The following FAF1 variants were observed in gnomAD, a reference collection of about 807,000 sequenced individuals.
FAF1 encodes the protein FAS-associated factor 1.
In FAF1, 25 loss-of-function variants were observed where a neutral mutation model predicts 92.5. The ratio of observed to expected loss-of-function variants is 0.27; its 90% CI spans 0.20 to 0.38. The LOEUF (loss-of-function observed/expected upper bound fraction) is 0.38, where lower values mean the gene tolerates loss of function less well. FAF1 is among the 10% of genes least tolerant of loss of function. The probability of loss-of-function intolerance (pLI) is 1.00; values close to 1 mark genes in which losing one functional copy is unlikely to be tolerated. For missense variants in FAF1, 636 were observed against 793.3 expected (o/e 0.80, Z 2.38); for synonymous variants, 234 against 273.2 (o/e 0.86, Z 1.42).
chr1:50,570,033 T>C (rs1650358240), intron 12 of FAF1, among the ~76,000 whole-genome samples: 1 of 152,144 alleles, frequency 6.6e-6, no homozygotes, highest in Non-Finnish European at 1.5e-5. Context: ...TTCAAAGCAT[T>C]GGTCCCTGCA....
intron 7 of FAF1, among the ~76,000 whole-genome samples, chr1:50,658,727 T>C (rs1655240536): frequency 6.6e-6 from 1 of 152,260 alleles, no homozygotes; most frequent in South Asian, 2.1e-4. Context: ...AGACAGAACT[T>C]GGCTGAGAGA....
chr1:50,548,058 T>C (rs1213573374), intron 13 of FAF1, among the ~76,000 whole-genome samples: 1 of 152,212 alleles, frequency 6.6e-6, no homozygotes. Context: ...AAGAAAAGAT[T>C]CACTTTCCAG....
intron 4 of FAF1, among the ~76,000 whole-genome samples, chr1:50,773,748 G>A (rs1660854403): frequency 6.6e-6 from 1 of 152,124 alleles, no homozygotes; most frequent in Non-Finnish European, 1.5e-5. Flanking sequence ...TAGACAGAAG[G>A]AAAATATTCT....
chr1:50,625,521 GC>G (rs1403279222), intron 8 of FAF1, among the ~76,000 whole-genome samples: 2 of 152,150 alleles, frequency 1.3e-5, no homozygotes, highest in Admixed American at 1.3e-4. Context: ...GTCTAACTTT[GC>G]CTGAAGACTT....
At chr1:50,617,905 A>T (rs1366738534) in intron 8 of FAF1, among the ~76,000 whole-genome samples, 1 of 151,948 alleles carries the variant, frequency 6.6e-6, no homozygotes, top group African/African-American at 2.4e-5. Context: ...TGTTTCCAGG[A>T]ATTTCTCTAT....
At chr1:50,521,771 T>C (rs1647508592) in intron 15 of FAF1, among the ~76,000 whole-genome samples, 3 of 152,112 alleles carry the variant, frequency 2.0e-5, no homozygotes, top group Middle Eastern at 3.2e-3. Context: ...ATATCATCAA[T>C]TGTGTTCTGT....
intron 4 of FAF1, 113 bp from the exon 5 acceptor site, chr1:50,744,888 G>C (rs1167983367): frequency 1.9e-6 from 1 of 528,568 alleles, no homozygotes; most frequent in Non-Finnish European, 3.3e-6. Flanking sequence ...AATGACATTT[G>C]TCTGATGAAT....
intron 4 of FAF1, among the ~76,000 whole-genome samples, chr1:50,760,999 AG>A (rs1175022770): frequency 6.6e-6 from 1 of 152,186 alleles, no homozygotes; most frequent in Non-Finnish European, 1.5e-5. Flanking sequence ...AAAATGATAA[AG>A]GGGATATCAC....
intron 18 of FAF1, among the ~76,000 whole-genome samples, chr1:50,453,831 T>TGA (rs1646322229): frequency 6.6e-6 from 1 of 152,322 alleles, no homozygotes; most frequent in Admixed American, 6.5e-5. Flanking sequence ...GTATTCCCTA[T>TGA]CAGTTTAGTT....
At chr1:50,496,809 A>C (rs1012938356) in intron 15 of FAF1, among the ~76,000 whole-genome samples, 1 of 151,970 alleles carries the variant, frequency 6.6e-6, no homozygotes, top group African/African-American at 2.4e-5. Flanking sequence ...TAATTGCTTG[A>C]ACCTGGGAGG....
intron 14 of FAF1, among the ~76,000 whole-genome samples, chr1:50,537,024 C>T (rs1240143137): frequency 1.3e-5 from 2 of 152,046 alleles, no homozygotes; most frequent in East Asian, 1.9e-4. Flanking sequence ...TTGCCCAGGT[C>T]TCAAGTGATC....
intron 7 of FAF1, among the ~76,000 whole-genome samples, chr1:50,657,775 A>C (rs1655191543): frequency 6.6e-6 from 1 of 152,248 alleles, no homozygotes; most frequent in South Asian, 2.1e-4. Context: ...ACAAAAAATA[A>C]AACAAAAACA....
At chr1:50,848,558 T>C (rs1408568601) in intron 2 of FAF1, among the ~76,000 whole-genome samples, 2 of 152,228 alleles carry the variant, frequency 1.3e-5, no homozygotes, top group South Asian at 2.1e-4. Flanking sequence ...AAGGGAAGCA[T>C]GGTAACTCTC....
At chr1:50,726,964 C>T (rs561802074) in intron 6 of FAF1, among the ~76,000 whole-genome samples, 1 of 152,224 alleles carries the variant, frequency 6.6e-6, no homozygotes, top group Non-Finnish European at 1.5e-5. Flanking sequence ...CCTTTTCTAG[C>T]AAGGTGATCA....
chr1:50,907,947 C>A (rs1570126349), intron 1 of FAF1, among the ~76,000 whole-genome samples: 1 of 152,124 alleles, frequency 6.6e-6, no homozygotes, highest in South Asian at 2.1e-4. Flanking sequence ...TTATCTAGTT[C>A]TTTTAATTGT....
At chr1:50,847,214 T>C (rs1476599678) in intron 2 of FAF1, among the ~76,000 whole-genome samples, 1 of 152,110 alleles carries the variant, frequency 6.6e-6, no homozygotes, top group Non-Finnish European at 1.5e-5. Flanking sequence ...TGAAGACTAA[T>C]GTATTAATTA....
chr1:50,609,673 C>A (rs12727377), intron 8 of FAF1, among the ~76,000 whole-genome samples: 1 of 152,066 alleles, frequency 6.6e-6, no homozygotes, highest in Admixed American at 6.6e-5. Context: ...TGAGCTACTG[C>A]GCCTGAAGAT....
At chr1:50,938,997 T>C (rs924929768) in intron 1 of FAF1, among the ~76,000 whole-genome samples, 1 of 152,224 alleles carries the variant, frequency 6.6e-6, no homozygotes, top group East Asian at 1.9e-4. Flanking sequence ...AGTTGGGTGG[T>C]ATAATGCCTC....
At chr1:50,821,733 G>T (rs1049854425) in intron 2 of FAF1, among the ~76,000 whole-genome samples, 8 of 152,068 alleles carry the variant, frequency 5.3e-5, no homozygotes, top group Non-Finnish European at 1.2e-4. Context: ...CTTAAATAAT[G>T]CTTGATACAC....
Sources: allele counts gnomAD v4.1 joint callset (sites outside exome capture counted in the v4.1 genomes callset), GRCh38; gene constraint gnomAD v4.1.1; transcripts MANE v1.5; gene names NCBI Gene and HGNC (gene_info 2026-07-23, HGNC 2026-07-21).